The following PAPPA2 variants were observed in gnomAD, a reference collection of about 807,000 sequenced individuals.
PAPPA2 encodes the protein pappalysin 2.
PAPPA2 carries 86 observed loss-of-function variants against 176.4 expected under a neutral mutation model. The observed-to-expected ratio is 0.49, with a 90% confidence interval of 0.41 to 0.58. PAPPA2 has a LOEUF of 0.58. Ranked by LOEUF, PAPPA2 falls within the 20% of genes least tolerant of loss-of-function variation. PAPPA2 has a pLI of 0.00. For synonymous variants in PAPPA2, 809 were observed against 852.2 expected, an observed-to-expected ratio of 0.95 and a Z score of 0.88; for missense variants, 2,073 against 2,256.9, an observed-to-expected ratio of 0.92 and a Z score of 1.65.
intron 14 of PAPPA2, among the ~76,000 whole-genome samples, chr1:176,745,347 T>C (rs1214864992): frequency 6.6e-6 from 1 of 152,176 alleles, no homozygotes; most frequent in African/African-American, 2.4e-5. Context: ...CAGTTGGCTC[T>C]TCATCACAAT....
rs559242890 is a variant in PAPPA2 at position 176,699,738 on chromosome 1, G to A, written c.3236+149G>A. 7.8e-5 allele frequency: 104 copies of A among 1,335,342 alleles called. No individual in the cohort carries two copies. In the East Asian group the frequency reaches 2.4e-3, roughly 30 times the overall value. 82.7% of individuals were successfully genotyped at this position (1,335,342 alleles called of 1,614,324 possible). On this transcript the variant is annotated intron_variant, in intron 8 of 22. Transcript: ENST00000367662. ...GATTTTACCGTAAAGTGGCATATCT[G>A]AGGTAAAGAAAAGCACTTCCCAGAA...
intron 14 of PAPPA2, among the ~76,000 whole-genome samples, chr1:176,740,989 A>G (rs1177879018): frequency 1.3e-5 from 2 of 152,102 alleles, no homozygotes; most frequent in African/African-American, 4.8e-5. Context: ...CATCACCAAA[A>G]AGAAATTCTG....
chr1:176,710,837 C>G (rs1288205509), intron 11 of PAPPA2, among the ~76,000 whole-genome samples: 1 of 152,058 alleles, frequency 6.6e-6, no homozygotes, highest in African/African-American at 2.4e-5. Flanking sequence ...GATTGAGGAG[C>G]CAGCTAAGGT....
intron 1 of PAPPA2, among the ~76,000 whole-genome samples, chr1:176,524,935 G>A (rs1453040975): frequency 6.6e-6 from 1 of 152,148 alleles, no homozygotes. Flanking sequence ...CCAGCTACTC[G>A]GGAGGCTGAG....
At chr1:176,668,112 C>T (rs919949729) in intron 3 of PAPPA2, among the ~76,000 whole-genome samples, 5 of 152,136 alleles carry the variant, frequency 3.3e-5, no homozygotes, top group Admixed American at 6.5e-5. Flanking sequence ...GTACTCTCCA[C>T]GGGGCATGTC....
intron 19 of PAPPA2, 53 bp downstream of exon 19, chr1:176,791,535 G>A: frequency 6.4e-7 from 1 of 1,554,958 alleles, no homozygotes; most frequent in Non-Finnish European, 8.8e-7. Flanking sequence ...CTTTTATTAA[G>A]CACAGCTGAA....
intron 3 of PAPPA2, among the ~76,000 whole-genome samples, chr1:176,628,531 A>G (rs1171650043): frequency 2.6e-5 from 4 of 152,216 alleles, no homozygotes; most frequent in African/African-American, 9.6e-5. Context: ...ATAATAAAAT[A>G]GAAAACAAAA....
At chr1:176,736,336 A>G (rs903469286) in intron 12 of PAPPA2, among the ~76,000 whole-genome samples, 1 of 151,448 alleles carries the variant, frequency 6.6e-6, no homozygotes, top group Non-Finnish European at 1.5e-5. Context: ...TCTGGACTCT[A>G]TATATATATA....
chr1:176,683,372 T>A (rs1659678094), intron 4 of PAPPA2, among the ~76,000 whole-genome samples: 1 of 152,302 alleles, frequency 6.6e-6, no homozygotes, highest in African/African-American at 2.4e-5. Context: ...TGGCCCCCAG[T>A]TGCTAAATCC....
chr1:176,779,375 C>A (rs541005803), intron 17 of PAPPA2, among the ~76,000 whole-genome samples: 14 of 151,928 alleles, frequency 9.2e-5, no homozygotes, highest in African/African-American at 3.4e-4. Context: ...CCAGGCCAAA[C>A]TGATTCATAA....
In PAPPA2 at chr1:176,595,176, G is replaced by A. The variant is rs1048870179; in HGVS notation, c.1572G>A (p.Val524=). The change falls in exon 3 of 23, where the codon GTG becomes GTA. Residue 524 remains valine (V), a synonymous_variant. Coordinates refer to ENST00000367662, the MANE Select transcript of PAPPA2 (RefSeq NM_020318.3). ...NGYWPLRGEK[V]IRYQVVNICD... ...ACTGGCCCCTTCGGGGAGAGAAGGT[G>A]ATACGCTACCAGGTGGTGAACATCT... The A allele has an allele frequency of 2.5e-6, 4 of 1,614,084 alleles. No homozygotes were observed. Among genetic ancestry groups the A allele is most frequent in the African/African-American group, 2.7e-5 (2 of 74,924 alleles).
At chr1:176,679,597 C>T (rs61822995) in intron 4 of PAPPA2, among the ~76,000 whole-genome samples, 9,958 of 152,172 alleles carry the variant, frequency 0.065, 359 homozygotes, top group South Asian at 0.14. Flanking sequence ...TTTCACAGGG[C>T]ATGAAACCAG....
At position 176,521,652 on chromosome 1, in the gene PAPPA2, G is replaced by A. The variant is rs976613308; in HGVS notation, c.-916-33755G>A. Among the ~76,000 whole-genome samples the A allele has an allele frequency of 6.6e-5, 10 of 152,248 alleles. No individual in the cohort carries two copies. The East Asian group carries it at 9.6e-4, about 15-fold the overall frequency. ...TTTTGGAGGGAATAGTTTAACTGAC[G>A]TGCAGCTTTGGCAAGGGAATGGCAG... is the stretch of plus-strand genomic sequence containing the variant. On this transcript the variant is annotated intron_variant, in intron 1 of 22. Transcript: ENST00000367662.
intron 1 of PAPPA2, among the ~76,000 whole-genome samples, chr1:176,520,701 A>C (rs1033857071): frequency 6.6e-6 from 1 of 152,210 alleles, no homozygotes; most frequent in African/African-American, 2.4e-5. Context: ...GAGTGACTGA[A>C]AAGCAAGGGA....
At chr1:176,558,871 G>GA (rs1404231710) in intron 2 of PAPPA2, among the ~76,000 whole-genome samples, 6 of 151,852 alleles carry the variant, frequency 4.0e-5, no homozygotes, top group Admixed American at 2.0e-4. Flanking sequence ...TTCCCTGGCT[G>GA]AAAAAAAATG....
intron 12 of PAPPA2, among the ~76,000 whole-genome samples, chr1:176,730,281 C>T (rs1662074944): frequency 6.6e-6 from 1 of 151,818 alleles, no homozygotes; most frequent in Non-Finnish European, 1.5e-5. Flanking sequence ...ATGACTGTCA[C>T]TTAAATTTAT....
chr1:176,822,991 A>G (rs1666722763), intron 21 of PAPPA2, among the ~76,000 whole-genome samples: 1 of 152,234 alleles, frequency 6.6e-6, no homozygotes, highest in African/African-American at 2.4e-5. Context: ...CTTTATTCAA[A>G]GCCAATAGGG....
chr1:176,582,346 T>A (rs193119993), intron 2 of PAPPA2, among the ~76,000 whole-genome samples: 1 of 152,300 alleles, frequency 6.6e-6, no homozygotes, highest in East Asian at 1.9e-4. Context: ...GGACTTCCAG[T>A]GCTATGTCAA....
chr1:176,503,921 C>T (rs939255331), intron 1 of PAPPA2, among the ~76,000 whole-genome samples: 1 of 152,116 alleles, frequency 6.6e-6, no homozygotes, highest in Non-Finnish European at 1.5e-5. Context: ...ACAAGTGTAT[C>T]ATGAAATAAA....
Sources: gnomAD v4.1 joint callset for allele counts (sites outside exome capture counted in the v4.1 genomes callset) on GRCh38, gnomAD v4.1.1 for gene constraint, MANE v1.5 for transcripts, NCBI Gene and HGNC (gene_info 2026-07-23, HGNC 2026-07-21) for gene names.